ADGRL3: variants seen among roughly 807,000 people sequenced by gnomAD.
ADGRL3 encodes adhesion G protein-coupled receptor L3, also known as calcium-independent alpha-latrotoxin receptor 3.
ADGRL3 carries 62 observed loss-of-function variants against 153.5 expected under a neutral mutation model. The observed-to-expected ratio is 0.40, with a 90% confidence interval of 0.33 to 0.50. ADGRL3 has a LOEUF of 0.50. Ranked by LOEUF, ADGRL3 falls within the 20% of genes least tolerant of loss-of-function variation. ADGRL3 has a pLI of 0.47. For synonymous variants in ADGRL3, 710 were observed against 672.5 expected, an observed-to-expected ratio of 1.06 and a Z score of -0.86; for missense variants, 1,641 against 1,859.4, an observed-to-expected ratio of 0.88 and a Z score of 2.16.
chr4:61,882,798 A>G (rs762248385), intron 9 of ADGRL3, among the ~76,000 whole-genome samples: 1 of 152,168 alleles, frequency 6.6e-6, no homozygotes, highest in Non-Finnish European at 1.5e-5. Context: ...CAGTCAGGCT[A>G]TGCTTGACAC....
At chr4:61,354,794 A>G (rs879177180) in intron 1 of ADGRL3, among the ~76,000 whole-genome samples, 1 of 152,108 alleles carries the variant, frequency 6.6e-6, no homozygotes, top group Non-Finnish European at 1.5e-5. Flanking sequence ...ATTTATCAGC[A>G]TGACCTTGCC....
intron 18 of ADGRL3, among the ~76,000 whole-genome samples, chr4:61,980,603 C>A (rs34142783): frequency 0.036 from 5,536 of 151,872 alleles, 117 homozygotes; most frequent in Non-Finnish European, 0.057. Flanking sequence ...CCAAGCCCAG[C>A]TAATTTTTTG....
chr4:61,355,963 A>C (rs191389444), intron 1 of ADGRL3, among the ~76,000 whole-genome samples: 8 of 152,150 alleles, frequency 5.3e-5, no homozygotes, highest in Admixed American at 3.3e-4. Flanking sequence ...TTTTAGTAAA[A>C]ATTTAATAAT....
At chr4:61,722,642 T>C (rs1222072856) in intron 6 of ADGRL3, among the ~76,000 whole-genome samples, 3 of 152,192 alleles carry the variant, frequency 2.0e-5, no homozygotes, top group Non-Finnish European at 2.9e-5. Context: ...TAGAATTCTT[T>C]AGAAATTGAC....
At chr4:61,939,311 T>C (rs1301827189) in intron 15 of ADGRL3, among the ~76,000 whole-genome samples, 1 of 152,144 alleles carries the variant, frequency 6.6e-6, no homozygotes, top group Non-Finnish European at 1.5e-5. Flanking sequence ...AATTTGACAG[T>C]TGTACATAAT....
intron 6 of ADGRL3, among the ~76,000 whole-genome samples, chr4:61,692,651 C>T (rs1032972689): frequency 2.9e-4 from 44 of 152,028 alleles, no homozygotes; most frequent in African/African-American, 1.0e-3. Flanking sequence ...GCCATGTTGG[C>T]TAGGCTGGTC....
At chr4:61,954,394 C>T (rs1209757697) in intron 17 of ADGRL3, among the ~76,000 whole-genome samples, 1 of 151,854 alleles carries the variant, frequency 6.6e-6, no homozygotes, top group African/African-American at 2.4e-5. Flanking sequence ...TGTCTGTTTC[C>T]CTCTTTGTTT....
At chr4:61,749,053 A>C (rs1405794339) in intron 8 of ADGRL3, among the ~76,000 whole-genome samples, 2 of 151,936 alleles carry the variant, frequency 1.3e-5, no homozygotes, top group Non-Finnish European at 2.9e-5. Context: ...GGCAAAGGAC[A>C]TGAACAGACA....
At chr4:61,918,317 A>G (rs770939154) in intron 13 of ADGRL3, among the ~76,000 whole-genome samples, 1 of 152,208 alleles carries the variant, frequency 6.6e-6, no homozygotes, top group African/African-American at 2.4e-5. Flanking sequence ...GAACTCCACT[A>G]TGGCTCATGC....
intron 5 of ADGRL3, among the ~76,000 whole-genome samples, chr4:61,674,360 A>G (rs1044692142): frequency 6.6e-6 from 1 of 151,718 alleles, no homozygotes; most frequent in Non-Finnish European, 1.5e-5. Flanking sequence ...ATCTGTTTAT[A>G]TCGTACATTG....
At chr4:62,018,853 C>T (rs1322252777) in intron 21 of ADGRL3, among the ~76,000 whole-genome samples, 1 of 152,036 alleles carries the variant, frequency 6.6e-6, no homozygotes, top group African/African-American at 2.4e-5. Flanking sequence ...TTGATGTAAG[C>T]CAAAAGGAGA....
chr4:61,903,485 T>C (rs2098676404), intron 11 of ADGRL3, among the ~76,000 whole-genome samples: 2 of 151,990 alleles, frequency 1.3e-5, no homozygotes, highest in African/African-American at 4.8e-5. Context: ...CAAAGAAGCA[T>C]TGAAAGAATG....
intron 3 of ADGRL3, among the ~76,000 whole-genome samples, chr4:61,502,963 C>A (rs1233988084): frequency 6.6e-6 from 1 of 152,078 alleles, no homozygotes; most frequent in Admixed American, 6.6e-5. Context: ...TGTTTATAGT[C>A]AAATACATTA....
chr4:62,023,224 G>A (rs28862937), intron 21 of ADGRL3, among the ~76,000 whole-genome samples: 4,237 of 152,184 alleles, frequency 0.028, 207 homozygotes, highest in African/African-American at 0.098. Context: ...TGGAAATAGC[G>A]AGATAACTAG....
intron 2 of ADGRL3, among the ~76,000 whole-genome samples, chr4:61,439,565 A>G (rs1429751659): frequency 6.6e-6 from 1 of 152,096 alleles, no homozygotes; most frequent in Non-Finnish European, 1.5e-5. Context: ...TCAACCCGTC[A>G]CCTATATTAG....
At chr4:61,414,560 A>G (rs1055846874) in intron 2 of ADGRL3, among the ~76,000 whole-genome samples, 23 of 152,112 alleles carry the variant, frequency 1.5e-4, no homozygotes, top group African/African-American at 5.6e-4. Flanking sequence ...ACAATTGGAT[A>G]ATTACGCTTG....
intron 2 of ADGRL3, among the ~76,000 whole-genome samples, chr4:61,415,894 G>A (rs2097139440): frequency 6.6e-6 from 1 of 151,926 alleles, no homozygotes; most frequent in African/African-American, 2.4e-5. Context: ...TTTTTTCCAA[G>A]TCCTGACACT....
chr4:61,990,837 G>A (rs569184596), intron 19 of ADGRL3, among the ~76,000 whole-genome samples: 1 of 151,654 alleles, frequency 6.6e-6, no homozygotes, highest in Admixed American at 6.6e-5. Flanking sequence ...ATAAAATTCA[G>A]TCTCAACTAC....
intron 6 of ADGRL3, among the ~76,000 whole-genome samples, chr4:61,716,283 T>C (rs527711187): frequency 6.6e-6 from 1 of 152,244 alleles, no homozygotes; most frequent in East Asian, 1.9e-4. Flanking sequence ...CATTGACCCT[T>C]TTCTAAATTT....
Sources: allele counts gnomAD v4.1 joint callset (sites outside exome capture counted in the v4.1 genomes callset), GRCh38; gene constraint gnomAD v4.1.1; transcripts MANE v1.5; gene names NCBI Gene and HGNC (gene_info 2026-07-23, HGNC 2026-07-21).